KALRN: variants seen among roughly 807,000 people sequenced by gnomAD.
The protein encoded by KALRN is kalirin.
A neutral mutation model predicts 353.7 loss-of-function variants in KALRN; 70 were observed. The ratio of observed to expected loss-of-function variants is 0.20; its 90% CI spans 0.16 to 0.24. The LOEUF (loss-of-function observed/expected upper bound fraction) is 0.24, where lower values mean the gene tolerates loss of function less well. Among genes scored for constraint, KALRN ranks in the 10% least tolerant of loss-of-function variants. KALRN has a pLI of 1.00. For missense variants in KALRN, 2,791 were observed against 3,756.7 expected (o/e 0.74, Z 6.72); for synonymous variants, 1,391 against 1,434.8 (o/e 0.97, Z 0.69).
chr3:124,145,433 T>C (rs2067213921), intron 1 of KALRN, among the ~76,000 whole-genome samples: 1 of 152,194 alleles, frequency 6.6e-6, no homozygotes, highest in Admixed American at 6.5e-5. Context: ...GAGTGAGTAT[T>C]GTATCAGAGT....
chr3:124,504,411 A>G (rs929208099), intron 33 of KALRN, among the ~76,000 whole-genome samples: 6 of 152,214 alleles, frequency 3.9e-5, no homozygotes, highest in Non-Finnish European at 8.8e-5. Flanking sequence ...GTGCTTTTGT[A>G]GTAACCTTGA....
chr3:124,089,470 G>C (rs1167017066), intron 1 of KALRN, among the ~76,000 whole-genome samples: 3 of 152,100 alleles, frequency 2.0e-5, no homozygotes, highest in Admixed American at 1.3e-4. Context: ...CCTCCTGTTG[G>C]CCATGAAGTA....
chr3:124,637,619 T>A lies in KALRN; in HGVS notation c.5664+316T>A, dbSNP rs554800704. Among the ~76,000 whole-genome samples the A allele has an allele frequency of 1.6e-4, 24 of 152,324 alleles. 1 individual carries two copies. In the South Asian group the frequency reaches 4.8e-3, roughly 30 times the overall value. On this transcript the variant is annotated intron_variant, in intron 37 of 59. Transcript: ENST00000682506. Reference sequence around the variant, plus strand: ...CATTCAGTCAGTGATTGATATGTATTTGGTTAGCCCAGAAGCTAGTACACC... The same window carrying A: ...CATTCAGTCAGTGATTGATATGTATATGGTTAGCCCAGAAGCTAGTACACC...
intron 1 of KALRN, among the ~76,000 whole-genome samples, chr3:124,058,730 A>G (rs143606634): frequency 6.0e-4 from 92 of 152,292 alleles, no homozygotes; most frequent in Middle Eastern, 3.4e-3. Flanking sequence ...TCCCTGTAGT[A>G]TCTGTCTTTT....
rs1407173534 is a variant in KALRN, at chr3:124,726,145, T to G, written c.*6675T>G. The G allele has an allele frequency of 6.6e-6, 1 of 152,226 alleles. No homozygotes were observed. 9.4% of individuals were successfully genotyped at this position (152,226 alleles called of 1,614,324 possible). A position where few individuals can be genotyped will look rare whatever the true frequency, so the allele number is the denominator to read the frequency against. On this transcript the variant is annotated 3_prime_UTR_variant, in exon 60 of 60. Transcript: ENST00000682506. ...CATTTTGTATGCACACAATGTCGTTTTGTAAAGGTAGGTTGTAAATATTTT... is the reference window on the plus strand; with the variant it reads ...CATTTTGTATGCACACAATGTCGTTGTGTAAAGGTAGGTTGTAAATATTTT...
chr3:124,163,878 CA>C, intron 1 of KALRN: 4 of 985,422 alleles, frequency 4.1e-6, no homozygotes, highest in Non-Finnish European at 4.8e-6. Context: ...AAGCCTTGGC[CA>C]AGTCACTGTT....
chr3:124,541,974 G>A (rs191682514), intron 33 of KALRN, among the ~76,000 whole-genome samples: 2 of 152,022 alleles, frequency 1.3e-5, no homozygotes, highest in Non-Finnish European at 2.9e-5. Flanking sequence ...AGAGGGAGAC[G>A]CTGTCTCAAA....
intron 33 of KALRN, among the ~76,000 whole-genome samples, chr3:124,538,260 T>G (rs796804653): frequency 7.3e-5 from 11 of 150,068 alleles, no homozygotes; most frequent in South Asian, 2.1e-4. Flanking sequence ...GTGTGTGTGT[T>G]TGTGTGTGTG....
At chr3:124,695,114 G>A (rs189795854) in intron 53 of KALRN, among the ~76,000 whole-genome samples, 1 of 152,296 alleles carries the variant, frequency 6.6e-6, no homozygotes, top group East Asian at 1.9e-4. Context: ...CCTAAGAACA[G>A]TGTTATTAGA....
rs147817340 is a variant in KALRN at position 124,344,406 on chromosome 3, G to A, written c.1648-2737G>A. Among the ~76,000 whole-genome samples, 10 of 152,336 alleles carry A rather than the reference G, an allele frequency of 6.6e-5. No individual in the cohort carries two copies. In the East Asian group the frequency reaches 9.6e-4, roughly 15 times the overall value. ...GCATGGAAAGTCAGATTGTACTCCC[G>A]AGGTTGGACGACATGGAATCAGGGT... On this transcript the variant is annotated intron_variant, in intron 9 of 59. Transcript: ENST00000682506.
At chr3:124,571,462 T>C (rs1005285896) in intron 34 of KALRN, among the ~76,000 whole-genome samples, 1 of 152,240 alleles carries the variant, frequency 6.6e-6, no homozygotes, top group Non-Finnish European at 1.5e-5. Context: ...TGCCTTCTAC[T>C]CTGAGACTCT....
At chr3:124,633,981 A>G in intron 36 of KALRN, 28 bp downstream of exon 36, 1 of 1,564,644 alleles carries the variant, frequency 6.4e-7, no homozygotes, top group Non-Finnish European at 8.8e-7. Flanking sequence ...GCTCACTTAA[A>G]AGAGCAACGT....
chr3:124,319,459 T>A (rs2079105669), intron 6 of KALRN, among the ~76,000 whole-genome samples: 1 of 151,202 alleles, frequency 6.6e-6, no homozygotes, highest in East Asian at 1.9e-4. Context: ...GAACATAAGT[T>A]CCCTAGCTCC....
intron 34 of KALRN, among the ~76,000 whole-genome samples, chr3:124,623,428 A>ACACACACACACACAC (rs1554055226): frequency 6.5e-5 from 8 of 122,836 alleles, no homozygotes; most frequent in African/African-American, 1.4e-4. Context: ...ACACACACAC[A>ACACACACACACACAC]AAAGGGAGTT....
chr3:124,657,394 C>A, intron 39 of KALRN, 54 bp from the exon 40 acceptor site: 1 of 1,282,064 alleles, frequency 7.8e-7, no homozygotes, highest in Non-Finnish European at 1.1e-6. Flanking sequence ...GTGGCATGGC[C>A]CAGAAAGCTT....
chr3:124,417,503 A>G (rs989191331), intron 14 of KALRN, among the ~76,000 whole-genome samples: 2 of 152,224 alleles, frequency 1.3e-5, no homozygotes, highest in Non-Finnish European at 2.9e-5. Context: ...CTCTCTTTAT[A>G]CAAGGTTTGT....
At chr3:124,417,826 A>G (rs2092588873) in intron 14 of KALRN, among the ~76,000 whole-genome samples, 1 of 152,228 alleles carries the variant, frequency 6.6e-6, no homozygotes, top group Admixed American at 6.5e-5. Flanking sequence ...GTGGGATAAC[A>G]TGGGAGGATG....
intron 23 of KALRN, among the ~76,000 whole-genome samples, chr3:124,459,066 G>A (rs1239946996): frequency 2.0e-5 from 3 of 152,210 alleles, no homozygotes; most frequent in African/African-American, 7.2e-5. Flanking sequence ...TTCTTTACTT[G>A]AAGTTGAGGG....
chr3:124,401,364 G>T (rs867415100), intron 13 of KALRN, among the ~76,000 whole-genome samples: 1 of 152,034 alleles, frequency 6.6e-6, no homozygotes, highest in African/African-American at 2.4e-5. Context: ...CAAAAACCGA[G>T]TGTGGTGGTG....
Sources: gnomAD v4.1 joint callset for allele counts (sites outside exome capture counted in the v4.1 genomes callset) on GRCh38, gnomAD v4.1.1 for gene constraint, MANE v1.5 for transcripts, NCBI Gene and HGNC (gene_info 2026-07-23, HGNC 2026-07-21) for gene names.